Variants in MAN2A1 observed in about 807,000 individuals in gnomAD.
MAN2A1 encodes the protein mannosidase alpha class 2A member 1.
Under a neutral mutation model 142.6 loss-of-function variants are expected in MAN2A1, and 76 were observed. The observed-to-expected ratio is 0.53, with a 90% CI of 0.44 to 0.65. The LOEUF (loss-of-function observed/expected upper bound fraction) is 0.65, where lower values mean the gene tolerates loss of function less well. Ranked by LOEUF, MAN2A1 falls within the 30% of genes least tolerant of loss-of-function variation. The pLI, the probability that MAN2A1 is intolerant of heterozygous loss-of-function variation, is 0.00. For missense variants in MAN2A1, 1,311 were observed against 1,365.1 expected (o/e 0.96, Z 0.62); for synonymous variants, 559 against 473.2 (o/e 1.18, Z -2.35).
chr5:109,741,541 A>G (rs1053878874), intron 4 of MAN2A1, among the ~76,000 whole-genome samples: 19 of 152,188 alleles, frequency 1.2e-4, no homozygotes, highest in Admixed American at 1.1e-3. Flanking sequence ...TATGGATTAA[A>G]TCTGTACCTA....
chr5:109,722,351 C>G (rs1047242179), intron 3 of MAN2A1, among the ~76,000 whole-genome samples: 3 of 152,160 alleles, frequency 2.0e-5, no homozygotes, highest in African/African-American at 7.2e-5. Flanking sequence ...GAGTGATTTT[C>G]CTGATTGCCA....
chr5:109,853,986 A>G (rs1206854042), intron 19 of MAN2A1: 3 of 152,058 alleles, frequency 2.0e-5, no homozygotes, highest in Non-Finnish European at 4.4e-5. Context: ...GCACGATGCT[A>G]GTCACTTTTT....
intron 2 of MAN2A1, among the ~76,000 whole-genome samples, chr5:109,714,495 C>G (rs757942187): frequency 2.0e-5 from 3 of 152,076 alleles, no homozygotes; most frequent in Non-Finnish European, 4.4e-5. Flanking sequence ...TTATATTTCT[C>G]TTGGACAGCG....
At chr5:109,768,137 TC>T (rs1039627351) in intron 6 of MAN2A1, among the ~76,000 whole-genome samples, 2 of 152,306 alleles carry the variant, frequency 1.3e-5, no homozygotes, top group Admixed American at 1.3e-4. Flanking sequence ...AATCCTGTCC[TC>T]CTAAAACAGC....
intron 1 of MAN2A1, among the ~76,000 whole-genome samples, chr5:109,708,479 C>T (rs1751201826): frequency 7.2e-6 from 1 of 137,996 alleles, no homozygotes; most frequent in Non-Finnish European, 1.5e-5. Flanking sequence ...ATGTTTTATT[C>T]AGGGTTCTCC....
intron 12 of MAN2A1, among the ~76,000 whole-genome samples, chr5:109,800,154 G>C (rs1561518574): frequency 1.3e-5 from 2 of 150,384 alleles, no homozygotes; most frequent in Non-Finnish European, 1.5e-5. Flanking sequence ...CACACACACA[G>C]ACATGCACAT....
chr5:109,708,234 C>T (rs940426638), intron 1 of MAN2A1, among the ~76,000 whole-genome samples: 2 of 152,098 alleles, frequency 1.3e-5, no homozygotes, highest in African/African-American at 2.4e-5. Context: ...GTGCCTAATA[C>T]TCCCTGAGAT....
chr5:109,809,348 G>A (rs576569459), intron 12 of MAN2A1, among the ~76,000 whole-genome samples: 77 of 151,436 alleles, frequency 5.1e-4, no homozygotes, highest in African/African-American at 1.7e-3. Flanking sequence ...ACCCCTCTTT[G>A]TGCTCTTCAT....
chr5:109,844,320 A>G (rs13355543), intron 17 of MAN2A1, among the ~76,000 whole-genome samples: 58,713 of 152,060 alleles, frequency 0.39, 11,952 homozygotes, highest in African/African-American at 0.52. Context: ...TGGATATAGT[A>G]GTACTTGGGC....
intron 5 of MAN2A1, among the ~76,000 whole-genome samples, chr5:109,755,684 A>G (rs1752670297): frequency 6.6e-6 from 1 of 151,894 alleles, no homozygotes; most frequent in African/African-American, 2.4e-5. Context: ...TTATTTATCT[A>G]TATTTTTATT....
intron 1 of MAN2A1, among the ~76,000 whole-genome samples, chr5:109,697,152 T>G (rs1561464635): frequency 6.6e-6 from 1 of 152,234 alleles, no homozygotes; most frequent in Non-Finnish European, 1.5e-5. Flanking sequence ...ATATATTGAT[T>G]AATAAGGTAG....
chr5:109,756,805 G>C (rs979853594), intron 5 of MAN2A1, among the ~76,000 whole-genome samples: 4 of 152,192 alleles, frequency 2.6e-5, no homozygotes, highest in African/African-American at 9.7e-5. Context: ...CTAACGATAA[G>C]AGTGGCTCAC....
At chr5:109,724,871 A>G (rs1406244852) in intron 3 of MAN2A1, among the ~76,000 whole-genome samples, 4 of 152,202 alleles carry the variant, frequency 2.6e-5, no homozygotes. Context: ...GTATAGCATC[A>G]GAACAGAGAG....
intron 10 of MAN2A1, among the ~76,000 whole-genome samples, chr5:109,787,978 A>T (rs1207458696): frequency 6.6e-6 from 1 of 151,872 alleles, no homozygotes; most frequent in Non-Finnish European, 1.5e-5. Flanking sequence ...GATCACTTAC[A>T]TCTCTGAAGG....
chr5:109,720,517 A>G (rs997353277), intron 3 of MAN2A1, among the ~76,000 whole-genome samples: 3 of 152,166 alleles, frequency 2.0e-5, no homozygotes, highest in Admixed American at 6.5e-5. Context: ...CTATTCAAAT[A>G]TTTTCAAGTA....
chr5:109,817,143 G>T, intron 12 of MAN2A1, 130 bp from the exon 13 acceptor site: 1 of 842,260 alleles, frequency 1.2e-6, no homozygotes, highest in Non-Finnish European at 1.8e-6. Context: ...TCCAGCCTGG[G>T]TGACAGAGTG....
At chr5:109,796,052 A>G (rs1753853193) in intron 12 of MAN2A1, among the ~76,000 whole-genome samples, 2 of 152,142 alleles carry the variant, frequency 1.3e-5, no homozygotes, top group Non-Finnish European at 2.9e-5. Flanking sequence ...TTTCTCATAA[A>G]CCATTTTATT....
chr5:109,702,349 G>GTGTGTGTGTGTC (rs1434044122), intron 1 of MAN2A1, among the ~76,000 whole-genome samples: 15 of 142,788 alleles, frequency 1.1e-4, no homozygotes, highest in African/African-American at 3.5e-4. Flanking sequence ...GTGTGTGTGT[G>GTGTGTGTGTGTC]TGTCTGTGTG....
rs1389014153 is a variant in MAN2A1 at position 109,762,609 on chromosome 5, C to T, written c.836-4926C>T. On this transcript the variant is annotated intron_variant, in intron 5 of 21. Transcript: ENST00000261483. ...CAGGCAGAGGACAATGGCAATGTGGCAGGGTCAGTCTGAGAATGTATGTTC... is the reference window on the plus strand; with the variant it reads ...CAGGCAGAGGACAATGGCAATGTGGTAGGGTCAGTCTGAGAATGTATGTTC... 5.3e-5 allele frequency among the ~76,000 whole-genome samples: 8 copies of T among 152,106 alleles called. No individual in the cohort carries two copies. The East Asian group carries it at 1.4e-3, about 26-fold the overall frequency.
Sources: gnomAD v4.1 joint callset for allele counts (sites outside exome capture counted in the v4.1 genomes callset) on GRCh38, gnomAD v4.1.1 for gene constraint, MANE v1.5 for transcripts, NCBI Gene and HGNC (gene_info 2026-07-23, HGNC 2026-07-21) for gene names.